Variants in RIT2 observed in about 807,000 individuals in gnomAD.
The protein encoded by RIT2 is Ras like without CAAX 2, also known as GTP-binding protein Rit2.
Under a neutral mutation model 23.7 loss-of-function variants are expected in RIT2, and 24 were observed. That is an observed-to-expected ratio of 1.01 (90% CI 0.73 to 1.43). The LOEUF is 1.43. Ranked by LOEUF, RIT2 falls within the 40% of genes most tolerant of loss-of-function variation. The pLI, the probability that RIT2 is intolerant of heterozygous loss-of-function variation, is 0.00. For synonymous variants in RIT2, 107 were observed against 91.1 expected (o/e 1.17, Z -0.99); for missense variants, 236 against 266.9 (o/e 0.88, Z 0.81).
At chr18:43,078,908 G>T (rs1440717303) in intron 1 of RIT2, among the ~76,000 whole-genome samples, 1 of 152,180 alleles carries the variant, frequency 6.6e-6, no homozygotes, top group Admixed American at 6.5e-5. Context: ...GGGAAAAGGA[G>T]CAGGGACACT....
chr18:43,025,777 A>C (rs1422855712), intron 2 of RIT2, among the ~76,000 whole-genome samples: 2 of 152,088 alleles, frequency 1.3e-5, no homozygotes, highest in African/African-American at 4.8e-5. Context: ...AGAGCTAAAT[A>C]TTGTGTACAC....
At chr18:42,821,040 C>T (rs909779561) in intron 4 of RIT2, among the ~76,000 whole-genome samples, 1 of 152,068 alleles carries the variant, frequency 6.6e-6, no homozygotes, top group Non-Finnish European at 1.5e-5. Context: ...TTCATCTTCC[C>T]CCATGAATAA....
chr18:42,805,916 G>T (rs1717246512), intron 4 of RIT2, among the ~76,000 whole-genome samples: 1 of 151,852 alleles, frequency 6.6e-6, no homozygotes, highest in African/African-American at 2.4e-5. Flanking sequence ...CTCATAGTTT[G>T]TTTGTCAGTC....
At chr18:42,961,431 A>T (rs1406134271) in intron 3 of RIT2, among the ~76,000 whole-genome samples, 4 of 152,204 alleles carry the variant, frequency 2.6e-5, no homozygotes, top group Non-Finnish European at 2.9e-5. Context: ...ATATGATTAC[A>T]CTCAGACTGT....
chr18:43,041,995 CA>C (rs1156663541), intron 1 of RIT2, among the ~76,000 whole-genome samples: 1 of 151,950 alleles, frequency 6.6e-6, no homozygotes, highest in Non-Finnish European at 1.5e-5. Context: ...CCCACTCCTC[CA>C]AAAAATACTT....
At chr18:42,778,472 C>A (rs947015919) in intron 4 of RIT2, among the ~76,000 whole-genome samples, 2 of 152,034 alleles carry the variant, frequency 1.3e-5, no homozygotes, top group African/African-American at 4.8e-5. Context: ...ACTTATACTC[C>A]ATATAAAATT....
At chr18:43,083,306 A>G (rs905528878) in intron 1 of RIT2, among the ~76,000 whole-genome samples, 26 of 152,230 alleles carry the variant, frequency 1.7e-4, no homozygotes, top group Non-Finnish European at 3.5e-4. Context: ...CATACTGCCC[A>G]AAGTAATTTA....
At chr18:43,088,763 T>C (rs998215281) in intron 1 of RIT2, among the ~76,000 whole-genome samples, 2 of 152,124 alleles carry the variant, frequency 1.3e-5, no homozygotes, top group African/African-American at 4.8e-5. Context: ...AACAGTGAAT[T>C]AACTGAATCC....
At chr18:43,044,557 C>A (rs570167351) in intron 1 of RIT2, among the ~76,000 whole-genome samples, 1 of 152,080 alleles carries the variant, frequency 6.6e-6, no homozygotes, top group African/African-American at 2.4e-5. Context: ...CATCACAGTT[C>A]AAAGATGGGA....
intron 1 of RIT2, among the ~76,000 whole-genome samples, chr18:43,105,465 G>GGAGGAAGAGGGGAAGGGAGGAAGA (rs1913791899): frequency 6.9e-6 from 1 of 145,004 alleles, no homozygotes; most frequent in Non-Finnish European, 1.5e-5. Flanking sequence ...AGGGAGGAAG[G>GGAGGAAGAGGGGAAGGGAGGAAGA]GAGGAAGAGA....
At chr18:42,891,453 C>T (rs1436493596) in intron 4 of RIT2, among the ~76,000 whole-genome samples, 1 of 152,018 alleles carries the variant, frequency 6.6e-6, no homozygotes, top group Non-Finnish European at 1.5e-5. Flanking sequence ...ACAGAAAAAC[C>T]TGCACATAGA....
At chr18:42,864,600 G>A (rs886449400) in intron 4 of RIT2, among the ~76,000 whole-genome samples, 8 of 152,144 alleles carry the variant, frequency 5.3e-5, no homozygotes, top group African/African-American at 1.7e-4. Flanking sequence ...CGCTCATATT[G>A]AAATTCTTGA....
At chr18:43,039,740 C>T (rs534286354) in intron 1 of RIT2, among the ~76,000 whole-genome samples, 6 of 152,158 alleles carry the variant, frequency 3.9e-5, no homozygotes, top group African/African-American at 1.4e-4. Context: ...TTTGGCTCTG[C>T]GGAAGGATGT....
chr18:42,854,959 A>G (rs1162016634), intron 4 of RIT2, among the ~76,000 whole-genome samples: 1 of 152,130 alleles, frequency 6.6e-6, no homozygotes, highest in Non-Finnish European at 1.5e-5. Context: ...ACAGGCTATA[A>G]AGGTGGTATT....
At chr18:42,945,132 T>G (rs1909697174) in intron 3 of RIT2, among the ~76,000 whole-genome samples, 1 of 152,110 alleles carries the variant, frequency 6.6e-6, no homozygotes, top group African/African-American at 2.4e-5. Flanking sequence ...TTACATTAAT[T>G]TCTATCCAAT....
chr18:42,774,598 T>G (rs190056203), intron 4 of RIT2, among the ~76,000 whole-genome samples: 1 of 151,126 alleles, frequency 6.6e-6, no homozygotes, highest in Admixed American at 6.7e-5. Flanking sequence ...TTTTTGAACA[T>G]TATCAATCGT....
chr18:42,893,469 TTA>T (rs1371863378), intron 4 of RIT2, among the ~76,000 whole-genome samples: 1 of 152,118 alleles, frequency 6.6e-6, no homozygotes, highest in Non-Finnish European at 1.5e-5. Flanking sequence ...TAAACCTCTT[TTA>T]TAAGGGCACT....
chr18:43,109,774 C>T (rs1384503763), intron 1 of RIT2, among the ~76,000 whole-genome samples: 1 of 152,144 alleles, frequency 6.6e-6, no homozygotes, highest in African/African-American at 2.4e-5. Flanking sequence ...GAATAACACT[C>T]CCTCCCTGCT....
At chr18:43,021,348 G>A (rs1294346563) in intron 2 of RIT2, among the ~76,000 whole-genome samples, 1 of 152,016 alleles carries the variant, frequency 6.6e-6, no homozygotes, top group African/African-American at 2.4e-5. Flanking sequence ...TCTTACCCTG[G>A]TTAGAATAAG....
Sources: allele counts gnomAD v4.1 joint callset (sites outside exome capture counted in the v4.1 genomes callset), GRCh38; gene constraint gnomAD v4.1.1; transcripts MANE v1.5; gene names NCBI Gene and HGNC (gene_info 2026-07-23, HGNC 2026-07-21).